TGFBR3: variants seen among roughly 807,000 people sequenced by gnomAD.
TGFBR3 encodes the protein transforming growth factor beta receptor 3, also known as transforming growth factor beta receptor type 3.
In TGFBR3, 46 loss-of-function variants were observed where a neutral mutation model predicts 87.9. That is an observed-to-expected ratio of 0.52 (90% confidence interval 0.41 to 0.67). TGFBR3 has a LOEUF of 0.67. TGFBR3 is among the 30% of genes least tolerant of loss of function. TGFBR3 has a pLI of 0.00. For missense variants in TGFBR3, 866 were observed against 1,041.9 expected, an observed-to-expected ratio of 0.83 and a Z score of 2.32; for synonymous variants, 381 against 391.6, an observed-to-expected ratio of 0.97 and a Z score of 0.32.
chr1:91,901,794 TC>T (rs1245564494), intron 1 of TGFBR3, among the ~76,000 whole-genome samples: 4 of 151,406 alleles, frequency 2.6e-5, no homozygotes, highest in Non-Finnish European at 5.9e-5. Context: ...ATACCTCTAG[TC>T]CCAGCTACTC....
intron 3 of TGFBR3, among the ~76,000 whole-genome samples, chr1:91,759,382 TCAAAAAAAAAAAAAAAAAAA>T (rs1243682131): frequency 1.0e-4 from 4 of 38,250 alleles, no homozygotes; most frequent in Non-Finnish European, 9.7e-5. Context: ...ACAGCCCCTG[TCAAAAAAAAAAAAAAAAAAA>T]AAACAGGGAA....
chr1:91,871,523 G>A (rs1453847646), intron 1 of TGFBR3, among the ~76,000 whole-genome samples: 1 of 152,192 alleles, frequency 6.6e-6, no homozygotes, highest in Non-Finnish European at 1.5e-5. Flanking sequence ...CAAGGCATGA[G>A]AAGACCTAGG....
chr1:91,758,360 C>T (rs1014383380), intron 4 of TGFBR3, among the ~76,000 whole-genome samples: 6 of 152,030 alleles, frequency 3.9e-5, no homozygotes, highest in African/African-American at 7.2e-5. Context: ...CAGAGTATGA[C>T]GACAGGTCCT....
intron 2 of TGFBR3, among the ~76,000 whole-genome samples, chr1:91,823,854 G>C (rs1460226898): frequency 5.9e-5 from 9 of 152,250 alleles, no homozygotes; most frequent in Admixed American, 5.2e-4. Context: ...AATTTGCTGG[G>C]TGCAGTGGCT....
intron 6 of TGFBR3, 101 bp downstream of exon 6, chr1:91,729,704 G>T (rs114504921): frequency 1.5e-6 from 2 of 1,376,278 alleles, no homozygotes; most frequent in Admixed American, 1.7e-5. Flanking sequence ...TCCCTCCTGC[G>T]TAGGGGAGGG....
At chr1:91,856,041 A>G (rs1237205149) in intron 2 of TGFBR3, among the ~76,000 whole-genome samples, 2 of 152,044 alleles carry the variant, frequency 1.3e-5, no homozygotes, top group African/African-American at 4.8e-5. Flanking sequence ...ATAACGAAGG[A>G]ACGAGGGAGG....
rs537140965 is a variant in TGFBR3 at position 91,717,066 on chromosome 1, C to T, written c.1567-358G>A. The stretch of plus-strand genomic sequence containing the variant: ...GAGTTGTCAAGAGACTTGCCTATAC[C>T]GTGAGAAGGGGCTTCCCCTTAAGAG... On this transcript the variant is annotated intron_variant, in intron 10 of 16. Coordinates refer to ENST00000212355, the MANE Select transcript of TGFBR3 (RefSeq NM_003243.5). Among the ~76,000 whole-genome samples the T allele has an allele frequency of 1.5e-4, 23 of 152,280 alleles. No individual in the cohort carries two copies. The South Asian group carries it at 4.4e-3, about 29-fold the overall frequency.
chr1:91,842,113 A>C (rs58488978), intron 2 of TGFBR3, among the ~76,000 whole-genome samples: 3,595 of 152,146 alleles, frequency 0.024, 170 homozygotes, highest in African/African-American at 0.082. Context: ...AAAAAAAAGA[A>C]AGAAAGAAAG....
chr1:91,887,015 T>G (rs1679338405), upstream of TGFBR3, among the ~76,000 whole-genome samples: 1 of 152,012 alleles, frequency 6.6e-6, no homozygotes, highest in East Asian at 1.9e-4. Flanking sequence ...TTACACCCAG[T>G]TTTTCTTATT....
intron 1 of TGFBR3, among the ~76,000 whole-genome samples, chr1:91,863,348 G>A (rs565886390): frequency 6.6e-6 from 1 of 152,304 alleles, no homozygotes; most frequent in South Asian, 2.1e-4. Flanking sequence ...AATCTGCCTG[G>A]GTGTGAATCC....
intron 10 of TGFBR3, among the ~76,000 whole-genome samples, chr1:91,718,467 C>A (rs577897522): frequency 2.0e-5 from 3 of 151,622 alleles, no homozygotes; most frequent in African/African-American, 4.8e-5. Flanking sequence ...AGACACCCCC[C>A]CTCCCACCCC....
chr1:91,798,060 T>G (rs1198627642), intron 2 of TGFBR3, among the ~76,000 whole-genome samples: 1 of 152,192 alleles, frequency 6.6e-6, no homozygotes, highest in Non-Finnish European at 1.5e-5. Context: ...ATAGAAAAAG[T>G]AGAGTGCTGG....
rs149079126 is a variant in TGFBR3 at position 91,722,095 on chromosome 1, A to G, written c.935T>C (p.Met312Thr). ...AATGTCATCTCTTATTGATTTGGTC[A>G]TTGTCATAGATCTTTCACTCTCTTT... Reference protein sequence around the residue: ...FGKESERSMTMTKSIRDDIPS... With the variant: ...FGKESERSMTTTKSIRDDIPS... The change falls in exon 8 of 17, where the codon ATG becomes ACG. Residue 312 changes from methionine (M) to threonine (T), a missense_variant. By Grantham distance (81) the Met-to-Thr change is moderately conservative. Transcript: ENST00000212355. 867 of 1,613,900 alleles carry G rather than the reference A, an allele frequency of 5.4e-4. 4 individuals carry two copies. The Middle Eastern group carries it at 0.014, about 25-fold the overall frequency.
At chr1:91,710,403 A>C (rs756339374) in intron 13 of TGFBR3, among the ~76,000 whole-genome samples, 16 of 152,198 alleles carry the variant, frequency 1.1e-4, no homozygotes, top group Non-Finnish European at 2.1e-4. Context: ...TTACTTTCCT[A>C]TTGAGCTCTT....
At chr1:91,771,586 G>C (rs1259739316) in intron 3 of TGFBR3, among the ~76,000 whole-genome samples, 2 of 151,436 alleles carry the variant, frequency 1.3e-5, no homozygotes, top group Non-Finnish European at 2.9e-5. Flanking sequence ...GGCACCTGTA[G>C]TCCCAGCTAC....
chr1:91,793,829 A>T (rs1182923638), intron 3 of TGFBR3, among the ~76,000 whole-genome samples: 1 of 145,644 alleles, frequency 6.9e-6, no homozygotes, highest in Non-Finnish European at 1.5e-5. Context: ...AAAAAAAAAA[A>T]TTGGTAGAGA....
chr1:91,895,715 T>C (rs1303389669), intron 2 of TGFBR3, among the ~76,000 whole-genome samples: 1 of 152,228 alleles, frequency 6.6e-6, no homozygotes, highest in Non-Finnish European at 1.5e-5. Flanking sequence ...TTCAAAGTCA[T>C]GTATTTGTGA....
intron 2 of TGFBR3, among the ~76,000 whole-genome samples, chr1:91,856,729 C>T (rs1455769090): frequency 2.6e-5 from 4 of 152,238 alleles, no homozygotes; most frequent in Non-Finnish European, 5.9e-5. Context: ...GAGGGTCCTT[C>T]TGCTCTGATG....
In TGFBR3 at chr1:91,698,701, C is replaced by T. The variant is rs185619714; in HGVS notation, c.2288-571G>A. On this transcript the variant is annotated intron_variant, in intron 14 of 16. Transcript: ENST00000212355. The stretch of plus-strand genomic sequence containing the variant: ...ATTTCTTGTAAAGACAGGATTTCAC[C>T]ACATTGCCCTGGCTGGTCTCTAACT... 1.6e-3 allele frequency among the ~76,000 whole-genome samples: 246 copies of T among 152,146 alleles called. 1 individual carries two copies. The highest frequency in any genetic ancestry group is 4.9e-3 in the African/African-American group (202 of 41,514).
Sources: gnomAD v4.1 joint callset for allele counts (sites outside exome capture counted in the v4.1 genomes callset) on GRCh38, gnomAD v4.1.1 for gene constraint, MANE v1.5 for transcripts, NCBI Gene and HGNC (gene_info 2026-07-23, HGNC 2026-07-21) for gene names.